The following ANKRD52 variants were observed in gnomAD, a reference collection of about 807,000 sequenced individuals.
ANKRD52 encodes ankyrin repeat domain 52, also known as serine/threonine-protein phosphatase 6 regulatory ankyrin repeat subunit C.
Under a neutral mutation model 116.0 loss-of-function variants are expected in ANKRD52, and 7 were observed. The observed-to-expected ratio is 0.06, with a 90% CI of 0.03 to 0.11. ANKRD52 has a LOEUF of 0.11. Ranked by LOEUF, ANKRD52 falls within the 10% of genes least tolerant of loss-of-function variation. The pLI is 1.00. For synonymous variants in ANKRD52, 528 were observed against 578.1 expected, an observed-to-expected ratio of 0.91 and a Z score of 1.24; for missense variants, 839 against 1,408.6, an observed-to-expected ratio of 0.60 and a Z score of 6.47.
At chr12:56,251,754 A>C (rs989287439) in intron 15 of ANKRD52, among the ~76,000 whole-genome samples, 3 of 151,984 alleles carry the variant, frequency 2.0e-5, no homozygotes, top group Non-Finnish European at 4.4e-5. Flanking sequence ...AAAAAAAAAA[A>C]AAAAAATCCA....
At position 56,248,078 on chromosome 12, in the gene ANKRD52, G is replaced by A. The variant is rs377427428; in HGVS notation, c.1923C>T (p.Gly641=). Residue 641 remains glycine, a synonymous_variant, in exon 18 of 28, where the codon GGC becomes GGT. Coordinates refer to ENST00000267116, the MANE Select transcript of ANKRD52 (RefSeq NM_173595.4). This position sits in a 1 kb window ranked among gnomAD's most constrained non-coding sequence, Gnocchi z 5.1. ...TGCGCTCCTTGATGAGGGCAGAGGC[G>A]CCGTGGGCTGTAAGCACCTCCACAC... is the stretch of plus-strand genomic sequence containing the variant. ...TECVEVLTAH[G]ASALIKERKR... is the part of the protein sequence containing the mutation. The A allele has an allele frequency of 4.6e-5, 74 of 1,611,960 alleles. 1 individual carries two copies. Among genetic ancestry groups the A allele is most frequent in the South Asian group, 1.3e-4 (12 of 91,088 alleles).
rs761854708 is a variant in ANKRD52 at position 56,258,283 on chromosome 12, C to A, written c.-14G>T. 6.4e-7 allele frequency: 1 copy of A among 1,568,046 alleles called. No individual in the cohort carries two copies. The highest frequency in any genetic ancestry group is 8.6e-7 in the Non-Finnish European group (1 of 1,160,890). ...GAGGATCCCCATGGCTCGGCCCGGGCTCCGTCCGCATCGAGCTCCCGGCGG... is the reference window on the plus strand; with the variant it reads ...GAGGATCCCCATGGCTCGGCCCGGGATCCGTCCGCATCGAGCTCCCGGCGG... On this transcript the variant is annotated 5_prime_UTR_variant, in exon 1 of 28. Transcript: ENST00000267116.
At position 56,255,490 on chromosome 12, in the gene ANKRD52, G is replaced by A. The variant is rs1871907505; in HGVS notation, c.462+294C>T. Among the ~76,000 whole-genome samples, 1 of 152,160 alleles carries A rather than the reference G, an allele frequency of 6.6e-6. No individual in the cohort carries two copies. The highest frequency in any genetic ancestry group is 6.5e-5 in the Admixed American group (1 of 15,272). On this transcript the variant is annotated intron_variant, in intron 5 of 27. Transcript: ENST00000267116. The surrounding 1 kb of genome is among the most constrained non-coding windows in gnomAD (Gnocchi z 4.3). ...CAGGCGTGAGCCGCCGTGCCCGGCC[G>A]GTTCTTAAACTCTTGTAAGTCTTTG...
In ANKRD52 at chr12:56,238,748, C is replaced by G. The variant is rs537244896; in HGVS notation, c.*4394G>C. The G allele has an allele frequency of 6.6e-6, 1 of 152,570 alleles. No homozygotes were observed. Among genetic ancestry groups the G allele is most frequent in the African/African-American group, 2.4e-5 (1 of 41,438 alleles). The allele number at this position is 152,570 out of a possible 1,614,324, so 9.5% of individuals were successfully genotyped here. ...CTCAAGCCAGAACCCACCCCCACCC[C>G]CCAAACACACATACAAAGCTGAGCT... On this transcript the variant is annotated 3_prime_UTR_variant, in exon 28 of 28. Coordinates refer to ENST00000267116, the MANE Select transcript of ANKRD52 (RefSeq NM_173595.4).
rs1565608985 is a variant in ANKRD52 at position 56,247,625 on chromosome 12, G to C, written c.2067-15C>G. On this transcript the variant is annotated splice_polypyrimidine_tract_variant and intron_variant, in intron 19 of 27. Coordinates refer to ENST00000267116, the MANE Select transcript of ANKRD52 (RefSeq NM_173595.4). ...TCAGTGGGGTCCTACAGAAGGGCAG[G>C]AGGAGGAGTGAGGATCCCGCAAGGA... 4 of 1,588,388 alleles carry C rather than the reference G, an allele frequency of 2.5e-6. No homozygotes were observed. The highest frequency in any genetic ancestry group is 2.6e-6 in the Non-Finnish European group (3 of 1,166,422).
chr12:56,248,680 T>C lies in ANKRD52; in HGVS notation c.1704+79A>G. On this transcript the variant is annotated intron_variant, in intron 16 of 27. Transcript: ENST00000267116. The surrounding 1 kb of genome is among the most constrained non-coding windows in gnomAD (Gnocchi z 5.1). ...TCTGGATCCAAAGACCACATTTGAT[T>C]GAACCCTTAGTTTTGGAATCCACAA... The C allele has an allele frequency of 2.0e-6, 3 of 1,491,730 alleles. No homozygotes were observed. Among genetic ancestry groups the C allele is most frequent in the Non-Finnish European group, 1.8e-6 (2 of 1,090,394 alleles). 92.4% of individuals were successfully genotyped at this position (1,491,730 alleles called of 1,614,324 possible). A position where few individuals can be genotyped will look rare whatever the true frequency, so the allele number is the denominator to read the frequency against.
chr12:56,244,283 C>A lies in ANKRD52; in HGVS notation c.2805+70G>T. 6.4e-7 allele frequency: 1 copy of A among 1,573,338 alleles called. No individual in the cohort carries two copies. The highest frequency in any genetic ancestry group is 8.7e-7 in the Non-Finnish European group (1 of 1,145,296). ...CTCACTTCTGCCCCAGTCCCCTCTGCAACCGAGACTTACCTCTCTTCATCA... is the reference window on the plus strand; with the variant it reads ...CTCACTTCTGCCCCAGTCCCCTCTGAAACCGAGACTTACCTCTCTTCATCA... On this transcript the variant is annotated intron_variant, in intron 25 of 27. Coordinates refer to ENST00000267116, the MANE Select transcript of ANKRD52 (RefSeq NM_173595.4). This position sits in a 1 kb window ranked among gnomAD's most constrained non-coding sequence, Gnocchi z 4.9.
chr12:56,238,025 C>T lies in ANKRD52; in HGVS notation c.*5117G>A, dbSNP rs752139681. 1.2e-5 allele frequency: 4 copies of T among 320,398 alleles called. No homozygotes were observed. The highest frequency in any genetic ancestry group is 5.2e-5 in the East Asian group (1 of 19,104). 19.8% of individuals were successfully genotyped at this position (320,398 alleles called of 1,614,324 possible). ...GAGGGGAGGGGTGGGGCAAATGCAC[C>T]GAGGTCCCCACTTTTTCCTGCTGCC... On this transcript the variant is annotated 3_prime_UTR_variant, in exon 28 of 28. Transcript: ENST00000267116.
chr12:56,241,925 A>C lies in ANKRD52; in HGVS notation c.*1217T>G. ...TTTCCTCCCTGCTGGGAAGGCAGGG[A>C]CCAAGCCCCAGTACCTATTCATCTC... On this transcript the variant is annotated 3_prime_UTR_variant, in exon 28 of 28. Coordinates refer to ENST00000267116, the MANE Select transcript of ANKRD52 (RefSeq NM_173595.4). 1 of 398,528 alleles carries C rather than the reference A, an allele frequency of 2.5e-6. No homozygotes were observed. Among genetic ancestry groups the C allele is most frequent in the Non-Finnish European group, 4.4e-6 (1 of 226,112 alleles). The allele number at this position is 398,528 out of a possible 1,614,324, so 24.7% of individuals were successfully genotyped here.
intron 20 of ANKRD52, 114 bp from the exon 21 acceptor site, chr12:56,245,710 T>A: frequency 1.3e-4 from 30 of 238,042 alleles, no homozygotes; most frequent in Non-Finnish European, 1.9e-4. Context: ...ATCCTTGTCT[T>A]TTTTTTTTTT....
At chr12:56,245,928 G>T (rs1211954673) in intron 20 of ANKRD52, among the ~76,000 whole-genome samples, 1 of 150,776 alleles carries the variant, frequency 6.6e-6, no homozygotes, top group Non-Finnish European at 1.5e-5. Context: ...CGTTAGCCAG[G>T]ATGGTCTTGA....
In ANKRD52 at chr12:56,238,915, C is replaced by T. The variant is rs1231728779; in HGVS notation, c.*4227G>A. The T allele has an allele frequency of 6.6e-6, 1 of 152,306 alleles. No individual in the cohort carries two copies. The highest frequency in any genetic ancestry group is 1.5e-5 in the Non-Finnish European group (1 of 68,086). The allele number at this position is 152,306 out of a possible 1,614,324, so 9.4% of individuals were successfully genotyped here. A position where few individuals can be genotyped will look rare whatever the true frequency, so the allele number is the denominator to read the frequency against. Reference sequence around the variant, plus strand: ...ACTTTAGTGCAATTGGAGAGGGTGCCCAGAGTGAGAGGTGGAGAAGGGAGG... The same window carrying T: ...ACTTTAGTGCAATTGGAGAGGGTGCTCAGAGTGAGAGGTGGAGAAGGGAGG... On this transcript the variant is annotated 3_prime_UTR_variant, in exon 28 of 28. Transcript: ENST00000267116.
chr12:56,248,991 A>G lies in ANKRD52; in HGVS notation c.1593-121T>C. On this transcript the variant is annotated intron_variant, in intron 15 of 27. Transcript: ENST00000267116. This position sits in a 1 kb window ranked among gnomAD's most constrained non-coding sequence, Gnocchi z 5.1. Reference sequence around the variant, plus strand: ...GCCTACCTGGCCGCCACCCGTCCTCAGCTCTAGGTAGGTTCTCTAAATCCT... The same window carrying G: ...GCCTACCTGGCCGCCACCCGTCCTCGGCTCTAGGTAGGTTCTCTAAATCCT... The G allele has an allele frequency of 1.6e-6, 1 of 626,208 alleles. No homozygotes were observed. The highest frequency in any genetic ancestry group is 2.8e-6 in the Non-Finnish European group (1 of 362,518). 38.8% of individuals were successfully genotyped at this position (626,208 alleles called of 1,614,324 possible). A position where few individuals can be genotyped will look rare whatever the true frequency, so the allele number is the denominator to read the frequency against.
rs1333160289 is a variant in ANKRD52, at chr12:56,247,463, G to T, written c.2184+30C>A. ...CATGCTCCCACACTGAGGCCCATGT[G>T]CAAACAATCCCCCCTAGAAGCTCAC... is the stretch of plus-strand genomic sequence containing the variant. On this transcript the variant is annotated intron_variant, in intron 20 of 27. Coordinates refer to ENST00000267116, the MANE Select transcript of ANKRD52 (RefSeq NM_173595.4). 4 of 1,534,046 alleles carry T rather than the reference G, an allele frequency of 2.6e-6. No individual in the cohort carries two copies. The East Asian group carries it at 9.7e-5, about 37-fold the overall frequency.
In ANKRD52 at chr12:56,243,918, C is replaced by T. The variant is rs1871278442; in HGVS notation, c.2889-42G>A. The stretch of plus-strand genomic sequence containing the variant: ...AAGAAGGAGCTTGATGCTAAGCTGC[C>T]CTTCCACCTCCAGACAGGGTGGCAA... On this transcript the variant is annotated intron_variant, in intron 26 of 27. Transcript: ENST00000267116. The surrounding 1 kb of genome is among the most constrained non-coding windows in gnomAD (Gnocchi z 4.6). The T allele has an allele frequency of 6.3e-7, 1 of 1,592,256 alleles. No individual in the cohort carries two copies. Among genetic ancestry groups the T allele is most frequent in the African/African-American group, 1.3e-5 (1 of 74,392 alleles).
Position 56,243,864 on chromosome 12 carries a change from A to C in ANKRD52, c.2901T>G (p.Ile967Met). The change falls in exon 27 of 28, where the codon ATT (isoleucine) becomes ATG (methionine). Residue 967 changes from isoleucine to methionine, a missense_variant. By Grantham distance (10) the Ile-to-Met change is conservative (BLOSUM62 1). Coordinates refer to ENST00000267116, the MANE Select transcript of ANKRD52 (RefSeq NM_173595.4). This position sits in a 1 kb window ranked among gnomAD's most constrained non-coding sequence, Gnocchi z 4.6. ...CAGAAGCTAGACCATTCCGGGCAGC[A>C]ATGTGGAGTGGCCTTGGAAAAAAGG... ...TNSALQMPLH[I>M]AARNGLASVV... 6.4e-7 allele frequency: 1 copy of C among 1,566,162 alleles called. No homozygotes were observed. The highest frequency in any genetic ancestry group is 2.4e-5 in the East Asian group (1 of 42,010).
In ANKRD52 at chr12:56,252,416, A is replaced by G; in HGVS notation, c.1370+86T>C. 6.3e-7 allele frequency: 1 copy of G among 1,592,048 alleles called. No homozygotes were observed. Among genetic ancestry groups the G allele is most frequent in the Non-Finnish European group, 8.6e-7 (1 of 1,160,878 alleles). ...CTGCTTTGTAACATTCTCCTTATTTAAGTCTCCAATCTAAACCCTTCCTCC... is the reference window on the plus strand; with the variant it reads ...CTGCTTTGTAACATTCTCCTTATTTGAGTCTCCAATCTAAACCCTTCCTCC... On this transcript the variant is annotated intron_variant, in intron 13 of 27. Coordinates refer to ENST00000267116, the MANE Select transcript of ANKRD52 (RefSeq NM_173595.4). The surrounding 1 kb of genome is among the most constrained non-coding windows in gnomAD (Gnocchi z 4.7).
chr12:56,253,831 T>G lies in ANKRD52; in HGVS notation c.907-31A>C. 1.3e-6 allele frequency: 2 copies of G among 1,599,550 alleles called. No homozygotes were observed. Among genetic ancestry groups the G allele is most frequent in the South Asian group, 1.1e-5 (1 of 90,234 alleles). On this transcript the variant is annotated intron_variant, in intron 8 of 27. Coordinates refer to ENST00000267116, the MANE Select transcript of ANKRD52 (RefSeq NM_173595.4). This position sits in a 1 kb window ranked among gnomAD's most constrained non-coding sequence, Gnocchi z 5.5. ...GAAACATGGTGGGTTTTTGTTTTTG[T>G]TTTTTTTTCCAGTGCAAAGCACAGA... is the stretch of plus-strand genomic sequence containing the variant.
At chr12:56,250,682 G>A (rs1871645623) in intron 15 of ANKRD52, among the ~76,000 whole-genome samples, 1 of 148,736 alleles carries the variant, frequency 6.7e-6, no homozygotes, top group African/African-American at 2.5e-5. Flanking sequence ...CCAGGAGTTC[G>A]AGACCAGTGT....
Sources: allele counts gnomAD v4.1 joint callset (sites outside exome capture counted in the v4.1 genomes callset), GRCh38; gene constraint gnomAD v4.1.1; non-coding constraint Gnocchi (gnomAD v3.1); transcripts MANE v1.5; gene names NCBI Gene and HGNC (gene_info 2026-07-23, HGNC 2026-07-21).